DLGAP4: variants seen among roughly 807,000 people sequenced by gnomAD.
DLGAP4 encodes the protein disks large-associated protein 4.
A neutral mutation model predicts 86.9 loss-of-function variants in DLGAP4; 18 were observed. The observed-to-expected ratio is 0.21, with a 90% CI of 0.14 to 0.31. The LOEUF is 0.31. DLGAP4 is among the 10% of genes least tolerant of loss of function. The probability of loss-of-function intolerance (pLI) is 1.00; values close to 1 mark genes in which losing one functional copy is unlikely to be tolerated. For synonymous variants in DLGAP4, 548 were observed against 574.3 expected (o/e 0.95, Z 0.65); for missense variants, 1,085 against 1,362.6 (o/e 0.80, Z 3.21).
intron 10 of DLGAP4, among the ~76,000 whole-genome samples, chr20:36,502,762 C>T (rs192893553): frequency 6.6e-6 from 1 of 152,142 alleles, no homozygotes; most frequent in African/African-American, 2.4e-5. Context: ...CTTGCTCTGT[C>T]GCCCAGGCTG....
At chr20:36,321,923 GATTC>G (rs2065172675) in intron 1 of DLGAP4, among the ~76,000 whole-genome samples, 1 of 152,218 alleles carries the variant, frequency 6.6e-6, no homozygotes, top group African/African-American at 2.4e-5. Context: ...GTGGCAGATA[GATTC>G]ATTCATTCAT....
chr20:36,412,452 G>A (rs2032525731), intron 2 of DLGAP4, among the ~76,000 whole-genome samples: 1 of 152,254 alleles, frequency 6.6e-6, no homozygotes, highest in South Asian at 2.1e-4. Context: ...ACTGGACATT[G>A]TCTCCTGAGA....
intron 2 of DLGAP4, among the ~76,000 whole-genome samples, chr20:36,420,147 C>T (rs1363371980): frequency 6.6e-6 from 1 of 152,166 alleles, no homozygotes; most frequent in Non-Finnish European, 1.5e-5. Context: ...CATTTCTTGG[C>T]GTCCCCAAGG....
intron 7 of DLGAP4, among the ~76,000 whole-genome samples, chr20:36,457,006 C>T (rs1177601217): frequency 6.6e-6 from 1 of 152,194 alleles, no homozygotes; most frequent in Non-Finnish European, 1.5e-5. Flanking sequence ...TAGGTACCAT[C>T]AGTGAGCAAA....
intron 6 of DLGAP4, among the ~76,000 whole-genome samples, chr20:36,446,129 A>C (rs193083839): frequency 1.2e-3 from 190 of 152,302 alleles, no homozygotes; most frequent in African/African-American, 4.3e-3. Context: ...CTCTGCCTCC[A>C]TTCCAGACCC....
At chr20:36,354,392 C>A (rs2030259075) in intron 1 of DLGAP4, among the ~76,000 whole-genome samples, 1 of 152,192 alleles carries the variant, frequency 6.6e-6, no homozygotes, top group Admixed American at 6.5e-5. Flanking sequence ...TAAAATTCAC[C>A]TATTTTAAGC....
chr20:36,453,339 G>C (rs1198045452), intron 7 of DLGAP4, among the ~76,000 whole-genome samples: 1 of 152,154 alleles, frequency 6.6e-6, no homozygotes, highest in Non-Finnish European at 1.5e-5. Context: ...CTGTGTGACA[G>C]AGCAAAACCC....
chr20:36,472,480 G>C (rs1259227858), intron 7 of DLGAP4, among the ~76,000 whole-genome samples: 2 of 131,336 alleles, frequency 1.5e-5, no homozygotes, highest in East Asian at 4.4e-4. Context: ...TAGCCTGGGT[G>C]ACAAAGCAAA....
chr20:36,355,109 C>T (rs1483547901), intron 1 of DLGAP4, among the ~76,000 whole-genome samples: 5 of 152,162 alleles, frequency 3.3e-5, no homozygotes, highest in African/African-American at 7.2e-5. Context: ...CAAAAGCTCC[C>T]TCTGTCCATT....
Position 36,360,705 on chromosome 20 carries a change from T to C in DLGAP4, c.-303-6340T>C, listed in dbSNP as rs569241205. On this transcript the variant is annotated intron_variant, in intron 1 of 12. Coordinates refer to ENST00000339266, the MANE Select transcript of DLGAP4 (RefSeq NM_001365621.2). ...CTGGTGGAAGAGTGGGTGGGTGGCA[T>C]GTGCTGCAGTGCCCTCAGTGGGGCG... 4.8e-5 allele frequency among the ~76,000 whole-genome samples: 7 copies of C among 147,128 alleles called. 1 individual carries two copies. Among genetic ancestry groups the C allele is most frequent in the African/African-American group, 1.8e-4 (7 of 39,254 alleles).
At position 36,341,250 on chromosome 20, in the gene DLGAP4, G is replaced by A. The variant is rs527298327; in HGVS notation, c.-303-25795G>A. Among the ~76,000 whole-genome samples, 26 of 152,330 alleles carry A rather than the reference G, an allele frequency of 1.7e-4. No individual in the cohort carries two copies. The South Asian group carries it at 5.4e-3, about 32-fold the overall frequency. ...ATCCATCAAGACTCTCCACCCGAGT[G>A]TACTTTTCAGAGGAGCCTTCTGTGA... On this transcript the variant is annotated intron_variant, in intron 1 of 12. Coordinates refer to ENST00000339266, the MANE Select transcript of DLGAP4 (RefSeq NM_001365621.2).
chr20:36,339,889 G>A (rs2065360234), intron 1 of DLGAP4, among the ~76,000 whole-genome samples: 1 of 152,206 alleles, frequency 6.6e-6, no homozygotes, highest in Non-Finnish European at 1.5e-5. Context: ...TGGCAGAGGA[G>A]GGAAGATCCC....
Position 36,500,055 on chromosome 20 carries a change from G to A in DLGAP4, c.2100-144G>A, listed in dbSNP as rs1423838883. ...GAGCCAAGAATGAGATGGGGGCTGT[G>A]GGACCCGCTTCAGGCGCATGGTGAG... is the stretch of plus-strand genomic sequence containing the variant. On this transcript the variant is annotated intron_variant, in intron 9 of 12. Transcript: ENST00000339266. The surrounding 1 kb of genome is among the most constrained non-coding windows in gnomAD (Gnocchi z 4.6). The A allele has an allele frequency of 1.4e-5, 14 of 979,682 alleles. No individual in the cohort carries two copies. Among genetic ancestry groups the A allele is most frequent in the Non-Finnish European group, 1.9e-5 (13 of 680,268 alleles). The allele number at this position is 979,682 out of a possible 1,614,324, so 60.7% of individuals were successfully genotyped here. A position where few individuals can be genotyped will look rare whatever the true frequency, so the allele number is the denominator to read the frequency against.
intron 10 of DLGAP4, among the ~76,000 whole-genome samples, chr20:36,510,080 G>A (rs1215688019): frequency 1.3e-5 from 2 of 151,518 alleles, no homozygotes; most frequent in Non-Finnish European, 1.5e-5. Context: ...CAAGTGATCC[G>A]CCTGCCTCAG....
Position 36,496,928 on chromosome 20 carries a change from T to C in DLGAP4, c.1872T>C (p.Gly624=), listed in dbSNP as rs1332120404. ...SSTRPPSVTR[G]GVAPAPEAPE... is the part of the protein sequence containing the mutation. Reference sequence around the variant, plus strand: ...CCCGACCGCCCAGCGTGACACGGGGTGGAGTCGCCCCAGCCCCTGAGGCCC... The same window carrying C: ...CCCGACCGCCCAGCGTGACACGGGGCGGAGTCGCCCCAGCCCCTGAGGCCC... Residue 624 remains glycine, a synonymous_variant, in exon 8 of 13, where the codon GGT becomes GGC. Coordinates refer to ENST00000339266, the MANE Select transcript of DLGAP4 (RefSeq NM_001365621.2). The C allele has an allele frequency of 1.2e-6, 2 of 1,613,994 alleles. No homozygotes were observed. The highest frequency in any genetic ancestry group is 2.2e-5 in the East Asian group (1 of 44,876).
intron 2 of DLGAP4, among the ~76,000 whole-genome samples, chr20:36,385,014 A>G (rs960515069): frequency 3.3e-5 from 5 of 152,148 alleles, no homozygotes; most frequent in Admixed American, 1.3e-4. Flanking sequence ...AGACTTGAGT[A>G]TCTAATCCTG....
intron 6 of DLGAP4, among the ~76,000 whole-genome samples, chr20:36,444,307 T>C (rs2033532611): frequency 6.6e-6 from 1 of 152,198 alleles, no homozygotes; most frequent in African/African-American, 2.4e-5. Flanking sequence ...ATTTTTGAGA[T>C]AGGGTCTCAC....
chr20:36,427,305 C>G (rs1166700617), intron 2 of DLGAP4, among the ~76,000 whole-genome samples: 1 of 151,836 alleles, frequency 6.6e-6, no homozygotes, highest in Non-Finnish European at 1.5e-5. Context: ...AGTGAAACCC[C>G]ATCTGTACTA....
At chr20:36,317,324 CCTT>C (rs2065118090) in intron 1 of DLGAP4, among the ~76,000 whole-genome samples, 43 of 2,790 alleles carry the variant, frequency 0.015, 2 homozygotes, top group African/African-American at 0.065. Context: ...TTCCTTCCTT[CCTT>C]CCTCTTTCTC....
Sources: allele counts gnomAD v4.1 joint callset (sites outside exome capture counted in the v4.1 genomes callset), GRCh38; gene constraint gnomAD v4.1.1; non-coding constraint Gnocchi (gnomAD v3.1); transcripts MANE v1.5; gene names NCBI Gene and HGNC (gene_info 2026-07-23, HGNC 2026-07-21).